The following TCF12 variants were observed in gnomAD, a reference collection of about 807,000 sequenced individuals.
The protein encoded by TCF12 is transcription factor 12.
A neutral mutation model predicts 86.0 loss-of-function variants in TCF12; 45 were observed. That is an observed-to-expected ratio of 0.52 (90% CI 0.41 to 0.67). The LOEUF (loss-of-function observed/expected upper bound fraction) is 0.67. Among genes scored for constraint, TCF12 ranks in the 30% least tolerant of loss-of-function variants. TCF12 has a pLI of 0.00. For synonymous variants in TCF12, 330 were observed against 299.6 expected (o/e 1.10, Z -1.05); for missense variants, 881 against 859.9 (o/e 1.02, Z -0.31).
At position 57,192,188 on chromosome 15, in the gene TCF12, G is replaced by C; in HGVS notation, c.421G>C (p.Gly141Arg). ...SSLLRQDLGL[G>R]SPAQLSSSGK... Reference sequence around the variant, plus strand: ...TCTCCTGAGACAAGATCTGGGGCTTGGGAGCCCAGCACAGCTATCTTCTTC... The same window carrying C: ...TCTCCTGAGACAAGATCTGGGGCTTCGGAGCCCAGCACAGCTATCTTCTTC... Residue 141 changes from glycine to arginine, a missense_variant, in exon 7 of 21, where the codon GGG becomes CGG. Gly to Arg is a moderately radical substitution (Grantham distance 125, BLOSUM62 -2). Coordinates refer to ENST00000333725, the MANE Select transcript of TCF12 (RefSeq NM_207037.2). 6.2e-7 allele frequency: 1 copy of C among 1,613,996 alleles called. No individual in the cohort carries two copies. Among genetic ancestry groups the C allele is most frequent in the South Asian group, 1.1e-5 (1 of 91,080 alleles).
intron 3 of TCF12, among the ~76,000 whole-genome samples, chr15:56,950,329 G>A (rs1411833291): frequency 6.6e-6 from 1 of 152,140 alleles, no homozygotes; most frequent in Non-Finnish European, 1.5e-5. Context: ...GGGTTCAAGC[G>A]ATTATCCTGC....
At chr15:57,231,303 A>G (rs139748062) in intron 9 of TCF12, 46 bp downstream of exon 9, 5 of 1,337,550 alleles carry the variant, frequency 3.7e-6, no homozygotes, top group Non-Finnish European at 5.4e-6. Context: ...AGTCATCTGT[A>G]TATCAGCCAG....
At chr15:56,918,155 C>G, upstream of TCF12, 1 of 455,202 alleles carries the variant, frequency 2.2e-6, no homozygotes, top group South Asian at 1.6e-5. Context: ...CTGCAGCCCT[C>G]CTGGACGGGA....
At chr15:57,218,606 G>A (rs2058434477) in intron 8 of TCF12, among the ~76,000 whole-genome samples, 1 of 151,900 alleles carries the variant, frequency 6.6e-6, no homozygotes, top group Admixed American at 6.5e-5. Flanking sequence ...AGACTTATAG[G>A]AAACTGTTTA....
chr15:57,206,358 G>A (rs372262617), intron 8 of TCF12, among the ~76,000 whole-genome samples: 3 of 151,942 alleles, frequency 2.0e-5, no homozygotes, highest in Admixed American at 6.6e-5. Flanking sequence ...AAAATTAGCC[G>A]GGCATGGTGG....
At chr15:57,109,859 G>A (rs1301656032) in intron 5 of TCF12, among the ~76,000 whole-genome samples, 1 of 152,072 alleles carries the variant, frequency 6.6e-6, no homozygotes. Flanking sequence ...CCTCCTTAAT[G>A]CAAATGAACG....
intron 3 of TCF12, among the ~76,000 whole-genome samples, chr15:57,049,529 G>A (rs775205939): frequency 6.6e-6 from 1 of 152,214 alleles, no homozygotes; most frequent in South Asian, 2.1e-4. Flanking sequence ...ACGTTGTTGT[G>A]TGTATTAGCA....
intron 3 of TCF12, among the ~76,000 whole-genome samples, chr15:57,045,796 T>G (rs541388270): frequency 6.6e-6 from 1 of 152,280 alleles, no homozygotes; most frequent in South Asian, 2.1e-4. Flanking sequence ...TGTGCCCTCC[T>G]TGCCCTCCCA....
intron 3 of TCF12, among the ~76,000 whole-genome samples, chr15:56,974,063 C>T (rs1340770829): frequency 3.3e-5 from 5 of 152,066 alleles, no homozygotes; most frequent in African/African-American, 1.2e-4. Context: ...CGTGGCTTTT[C>T]TTTTCCTGTG....
chr15:57,030,544 A>G lies in TCF12; in HGVS notation c.149-33206A>G, dbSNP rs1017538749. On this transcript the variant is annotated intron_variant, in intron 3 of 20. Transcript: ENST00000333725. ...ACTGTACCTGGCCTTTTTTATTTTT[A>G]ATAAATATTTGTTTCTTATTTTGAA... Among the ~76,000 whole-genome samples, 2 of 152,258 alleles carry G rather than the reference A, an allele frequency of 1.3e-5. 1 individual carries two copies. The highest frequency in any genetic ancestry group is 4.1e-4 in the South Asian group (2 of 4,822).
chr15:57,148,724 A>G (rs140970886), intron 5 of TCF12, among the ~76,000 whole-genome samples: 5,926 of 150,876 alleles, frequency 0.039, 363 homozygotes, highest in Admixed American at 0.16. Flanking sequence ...AAAAAATACA[A>G]AATTTAGCTG....
chr15:57,223,989 C>T (rs1318371568), intron 8 of TCF12, among the ~76,000 whole-genome samples: 1 of 151,916 alleles, frequency 6.6e-6, no homozygotes, highest in East Asian at 1.9e-4. Context: ...TCAGCATAAA[C>T]CTACTTCACA....
At chr15:57,113,914 C>A (rs889206652) in intron 5 of TCF12, among the ~76,000 whole-genome samples, 28 of 151,906 alleles carry the variant, frequency 1.8e-4, no homozygotes, top group African/African-American at 6.8e-4. Flanking sequence ...CATGATGATG[C>A]CCCTGTAGTT....
intron 3 of TCF12, among the ~76,000 whole-genome samples, chr15:57,011,926 A>G (rs1198861749): frequency 1.3e-5 from 2 of 152,194 alleles, no homozygotes; most frequent in Non-Finnish European, 2.9e-5. Context: ...GTGTTTTCCT[A>G]CATTTCTTCA....
intron 3 of TCF12, among the ~76,000 whole-genome samples, chr15:56,932,783 T>G (rs1268630957): frequency 1.3e-5 from 2 of 152,180 alleles, no homozygotes; most frequent in Non-Finnish European, 2.9e-5. Flanking sequence ...CAGGCTGTTC[T>G]TTAATTCTGC....
chr15:57,258,722 T>C (rs1385913990), intron 16 of TCF12, among the ~76,000 whole-genome samples: 2 of 152,202 alleles, frequency 1.3e-5, no homozygotes, highest in African/African-American at 4.8e-5. Flanking sequence ...TAGTAACTAA[T>C]GTTAAATTGT....
chr15:56,959,025 T>C (rs2061626346), intron 3 of TCF12, among the ~76,000 whole-genome samples: 1 of 152,180 alleles, frequency 6.6e-6, no homozygotes, highest in Non-Finnish European at 1.5e-5. Context: ...CTCTGGCTTA[T>C]TGGGTCATAC....
chr15:57,023,403 C>A (rs190112375), intron 3 of TCF12, among the ~76,000 whole-genome samples: 1 of 152,172 alleles, frequency 6.6e-6, no homozygotes, highest in East Asian at 1.9e-4. Context: ...AGAGTAACCA[C>A]CCCTCCCCAT....
intron 3 of TCF12, among the ~76,000 whole-genome samples, chr15:56,986,370 T>C (rs2063179085): frequency 6.6e-6 from 1 of 152,188 alleles, no homozygotes. Flanking sequence ...ATGTAAATGC[T>C]ACTTTTTGAA....
Sources: gnomAD v4.1 joint callset for allele counts (sites outside exome capture counted in the v4.1 genomes callset) on GRCh38, gnomAD v4.1.1 for gene constraint, MANE v1.5 for transcripts, NCBI Gene and HGNC (gene_info 2026-07-23, HGNC 2026-07-21) for gene names.